Variants in ZC3H13 observed in about 807,000 individuals in gnomAD.
The protein encoded by ZC3H13 is zinc finger CCCH-type containing 13.
A neutral mutation model predicts 204.1 loss-of-function variants in ZC3H13; 64 were observed. The ratio of observed to expected loss-of-function variants is 0.31; its 90% CI spans 0.26 to 0.39. ZC3H13 has a LOEUF of 0.39. ZC3H13 is among the 10% of genes least tolerant of loss of function. The pLI, the probability that ZC3H13 is intolerant of heterozygous loss-of-function variation, is 1.00. For synonymous variants in ZC3H13, 667 were observed against 693.7 expected (o/e 0.96, Z 0.60); for missense variants, 1,833 against 2,082.7 (o/e 0.88, Z 2.33).
At chr13:46,049,761 T>C (rs1344688524) in intron 1 of ZC3H13, among the ~76,000 whole-genome samples, 1 of 152,218 alleles carries the variant, frequency 6.6e-6, no homozygotes, top group African/African-American at 2.4e-5. Context: ...TCAAATTATG[T>C]ATGAACAGGC....
intron 4 of ZC3H13, among the ~76,000 whole-genome samples, chr13:46,025,112 C>A (rs75226748): frequency 6.6e-6 from 1 of 152,024 alleles, no homozygotes; most frequent in Non-Finnish European, 1.5e-5. Context: ...AACATTCTCA[C>A]CTGCTACTAA....
chr13:46,033,650 T>C (rs1054843235), intron 4 of ZC3H13, among the ~76,000 whole-genome samples: 3 of 152,142 alleles, frequency 2.0e-5, no homozygotes, highest in African/African-American at 7.2e-5. Context: ...ATGACTAATC[T>C]AGCGGTAAAA....
At chr13:45,994,853 T>C (rs550138630) in intron 8 of ZC3H13, among the ~76,000 whole-genome samples, 3 of 152,174 alleles carry the variant, frequency 2.0e-5, no homozygotes, top group African/African-American at 7.2e-5. Context: ...AAGAGGAAGG[T>C]GCAGAAGTCC....
At chr13:46,030,366 T>C (rs1272927112) in intron 4 of ZC3H13, among the ~76,000 whole-genome samples, 1 of 152,202 alleles carries the variant, frequency 6.6e-6, no homozygotes, top group East Asian at 1.9e-4. Context: ...ATACTGAAAT[T>C]TCTATCTAAT....
intron 11 of ZC3H13, among the ~76,000 whole-genome samples, chr13:45,978,064 A>G (rs1953216970): frequency 6.6e-6 from 1 of 152,092 alleles, no homozygotes; most frequent in Non-Finnish European, 1.5e-5. Flanking sequence ...CTCTCCCTGT[A>G]AAGTGCTCCT....
chr13:46,041,616 T>C (rs2043591920), intron 4 of ZC3H13, among the ~76,000 whole-genome samples: 1 of 152,130 alleles, frequency 6.6e-6, no homozygotes, highest in South Asian at 2.1e-4. Flanking sequence ...TGGGAAAGAT[T>C]TCCATTCCTG....
intron 6 of ZC3H13, among the ~76,000 whole-genome samples, 198 bp downstream of exon 6, chr13:46,011,217 A>T (rs917025230): frequency 1.2e-4 from 18 of 152,188 alleles, no homozygotes; most frequent in African/African-American, 4.3e-4. Flanking sequence ...CACCTATTCA[A>T]TAACATAAAT....
chr13:46,051,578 C>A (rs1040995568), intron 1 of ZC3H13, among the ~76,000 whole-genome samples: 1 of 152,188 alleles, frequency 6.6e-6, no homozygotes, highest in African/African-American at 2.4e-5. Context: ...ATAGACTGAA[C>A]TGCATAAGTA....
intron 4 of ZC3H13, among the ~76,000 whole-genome samples, chr13:46,022,414 T>C (rs181162456): frequency 4.6e-5 from 7 of 152,104 alleles, no homozygotes; most frequent in Non-Finnish European, 7.4e-5. Context: ...GTAACTTGTT[T>C]AGGTATGTTA....
intron 10 of ZC3H13, among the ~76,000 whole-genome samples, chr13:45,983,413 A>ATATATATATATATATATATATATATT: frequency 6.4e-5 from 2 of 31,134 alleles, no homozygotes; most frequent in Non-Finnish European, 9.7e-5. Flanking sequence ...ATATATATAT[A>ATATATATATATATATATATATATATT]TTTTTTTTTT....
intron 12 of ZC3H13, 49 bp from the exon 13 acceptor site, chr13:45,970,514 A>AAG (rs1952499359): frequency 1.3e-6 from 2 of 1,562,380 alleles, no homozygotes; most frequent in South Asian, 2.3e-5. Context: ...GGGGCAAAAA[A>AAG]AGAGATTTTT....
In ZC3H13 at chr13:45,969,278, G is replaced by A; in HGVS notation, c.3266C>T (p.Thr1089Ile). 1 of 1,613,930 alleles carries A rather than the reference G, an allele frequency of 6.2e-7. No individual in the cohort carries two copies. The highest frequency in any genetic ancestry group is 1.1e-5 in the South Asian group (1 of 91,084). ...TEAEHTATATTPGSTPSPLSS... is the reference protein window; with the variant it reads ...TEAEHTATATIPGSTPSPLSS... Reference sequence around the variant, plus strand: ...TAGAGGAGAAGGGGTACTACCAGGAGTCGTGGCGGTGGCAGTATGCTCTGC... The same window carrying A: ...TAGAGGAGAAGGGGTACTACCAGGAATCGTGGCGGTGGCAGTATGCTCTGC... Residue 1089 changes from threonine (T) to isoleucine (I), a missense_variant, in exon 14 of 19, where the codon ACT (threonine) becomes ATT (isoleucine). By Grantham distance (89) the Thr-to-Ile change is moderately conservative. This residue lies in a region of ZC3H13 where 1,574 missense variants were observed against 1,757.2 expected (regional missense o/e 0.90). Coordinates refer to ENST00000679008, the MANE Select transcript of ZC3H13 (RefSeq NM_001330564.2).
intron 4 of ZC3H13, among the ~76,000 whole-genome samples, chr13:46,022,316 T>C (rs990099207): frequency 2.6e-5 from 4 of 151,948 alleles, no homozygotes; most frequent in African/African-American, 9.7e-5. Context: ...AATCATAATA[T>C]AGGAAATTAT....
Position 45,983,401 on chromosome 13 carries a change from T to TATATATATATATATATATA in ZC3H13, c.1720+1895_1720+1896insTATATATATATATATATAT, listed in dbSNP as rs1953842302. ...TGAAACAAAGCAAAGCCCCTTCTAC[T>TATATATATATATATATATA]TATATATATATATTTTTTTTTTTTT... On this transcript the variant is annotated intron_variant, in intron 10 of 18. Coordinates refer to ENST00000679008, the MANE Select transcript of ZC3H13 (RefSeq NM_001330564.2). Among the ~76,000 whole-genome samples, 28 of 35,490 alleles carry TATATATATATATATATATA rather than the reference T, an allele frequency of 7.9e-4. 2 individuals are homozygous for TATATATATATATATATATA. The highest frequency in any genetic ancestry group is 4.3e-3 in the African/African-American group (24 of 5,602). 23.3% of individuals were successfully genotyped at this position (35,490 alleles called of 152,430 possible).
chr13:46,031,071 G>T (rs1169392736), intron 4 of ZC3H13, among the ~76,000 whole-genome samples: 1 of 152,074 alleles, frequency 6.6e-6, no homozygotes, highest in Middle Eastern at 3.2e-3. Context: ...ACGGGCAAAA[G>T]AAATGACAAA....
intron 8 of ZC3H13, among the ~76,000 whole-genome samples, chr13:45,993,717 A>T (rs1386914821): frequency 6.6e-6 from 1 of 152,236 alleles, no homozygotes; most frequent in Admixed American, 6.5e-5. Flanking sequence ...GATTTGTTTT[A>T]CACCTAGTAG....
At chr13:46,034,773 A>T (rs2043109757) in intron 4 of ZC3H13, among the ~76,000 whole-genome samples, 1 of 152,112 alleles carries the variant, frequency 6.6e-6, no homozygotes, top group Admixed American at 6.6e-5. Flanking sequence ...AAGGCTCAGG[A>T]TCCAATACAA....
intron 2 of ZC3H13, 61 bp from the exon 3 acceptor site, chr13:46,045,125 C>T (rs1052859663): frequency 7.7e-6 from 11 of 1,429,332 alleles, no homozygotes; most frequent in South Asian, 2.6e-5. Context: ...AAAATGCTAG[C>T]GGGACAAAAT....
chr13:45,971,270 G>A (rs1409541417), intron 12 of ZC3H13, among the ~76,000 whole-genome samples: 1 of 152,010 alleles, frequency 6.6e-6, no homozygotes, highest in East Asian at 1.9e-4. Flanking sequence ...TTGACTACCT[G>A]TTTTTTCACT....
Sources: gnomAD v4.1 joint callset for allele counts (sites outside exome capture counted in the v4.1 genomes callset) on GRCh38, gnomAD v4.1.1 for gene constraint, gnomAD v4.1.1 regional missense constraint, MANE v1.5 for transcripts, NCBI Gene and HGNC (gene_info 2026-07-23, HGNC 2026-07-21) for gene names.